The following DPP10 variants were observed in gnomAD, a reference collection of about 807,000 sequenced individuals.
DPP10 encodes the protein inactive dipeptidyl peptidase 10.
In DPP10, 33 loss-of-function variants were observed where a neutral mutation model predicts 120.9. That is an observed-to-expected ratio of 0.27 (90% CI 0.21 to 0.37). The LOEUF (loss-of-function observed/expected upper bound fraction) is 0.37, where lower values mean the gene tolerates loss of function less well. DPP10 is among the 10% of genes least tolerant of loss of function. The pLI is 1.00. For synonymous variants in DPP10, 337 were observed against 326.1 expected, an observed-to-expected ratio of 1.03 and a Z score of -0.36; for missense variants, 816 against 942.8, an observed-to-expected ratio of 0.87 and a Z score of 1.76.
rs1395410918 is a variant in DPP10 at position 115,427,688 on chromosome 2, G to T, written c.272-71822G>T. 2.6e-5 allele frequency among the ~76,000 whole-genome samples: 4 copies of T among 152,128 alleles called. No homozygotes were observed. In the South Asian group the frequency reaches 6.2e-4, roughly 24 times the overall value. ...TGCCTAGAAGATCTCTGAATGCCTT[G>T]GAGGCCTTTTTCTCATTGTCTTGGC... On this transcript the variant is annotated intron_variant, in intron 3 of 25. Transcript: ENST00000410059.
intron 5 of DPP10, among the ~76,000 whole-genome samples, chr2:115,682,024 A>T (rs2090696614): frequency 2.0e-5 from 3 of 151,848 alleles, no homozygotes. Context: ...TCATCCTTAC[A>T]ATTCTAGTTC....
intron 1 of DPP10, among the ~76,000 whole-genome samples, chr2:114,444,861 T>C (rs1204078986): frequency 2.0e-5 from 3 of 152,178 alleles, no homozygotes; most frequent in South Asian, 2.1e-4. Flanking sequence ...AAAATATATA[T>C]AGTCGCAAGC....
chr2:115,445,131 G>T (rs1574866022), intron 3 of DPP10, among the ~76,000 whole-genome samples: 1 of 152,180 alleles, frequency 6.6e-6, no homozygotes, highest in East Asian at 1.9e-4. Context: ...CTTCTCCTTT[G>T]CCTTCTGCCA....
intron 1 of DPP10, among the ~76,000 whole-genome samples, chr2:114,905,816 G>T (rs1287451235): frequency 6.6e-6 from 1 of 152,058 alleles, no homozygotes; most frequent in African/African-American, 2.4e-5. Flanking sequence ...CCAAAGTGTT[G>T]GGATTACAGG....
chr2:114,662,501 G>C (rs902844620), intron 1 of DPP10, among the ~76,000 whole-genome samples: 4 of 152,146 alleles, frequency 2.6e-5, no homozygotes, highest in African/African-American at 9.7e-5. Flanking sequence ...TTGAATGCGT[G>C]TGTCAGACCC....
intron 1 of DPP10, among the ~76,000 whole-genome samples, chr2:115,289,506 G>GAAGAAAAGAAAAGAAAAGAA: frequency 8.7e-6 from 1 of 114,400 alleles, no homozygotes; most frequent in East Asian, 2.6e-4. Flanking sequence ...AAAAAAAAAG[G>GAAGAAAAGAAAAGAAAAGAA]AAGAAAAGAA....
At chr2:114,750,407 C>T (rs1679094529) in intron 1 of DPP10, among the ~76,000 whole-genome samples, 1 of 151,658 alleles carries the variant, frequency 6.6e-6, no homozygotes, top group Admixed American at 6.6e-5. Flanking sequence ...AATCTTGGCT[C>T]ACTGCAAACT....
chr2:115,753,348 G>A, intron 11 of DPP10, 51 bp downstream of exon 11: 3 of 1,501,916 alleles, frequency 2.0e-6, no homozygotes, highest in Non-Finnish European at 2.7e-6. Context: ...AGCTTATGCA[G>A]CTTTACAAAG....
chr2:114,664,626 CAAAAAAAAAAAA>C (rs374561367), intron 1 of DPP10, among the ~76,000 whole-genome samples: 5 of 81,582 alleles, frequency 6.1e-5, no homozygotes, highest in Non-Finnish European at 1.2e-4. Context: ...GACTCCGTCT[CAAAAAAAAAAAA>C]AAAAAAAAAA....
chr2:115,735,381 CTTAG>C (rs1003224363), intron 8 of DPP10, among the ~76,000 whole-genome samples: 15 of 152,064 alleles, frequency 9.9e-5, no homozygotes, highest in African/African-American at 3.6e-4. Flanking sequence ...ATTATGTGAT[CTTAG>C]TTAGTAATTA....
intron 3 of DPP10, among the ~76,000 whole-genome samples, chr2:115,384,130 C>T (rs1374833568): frequency 1.3e-5 from 2 of 152,150 alleles, no homozygotes; most frequent in Admixed American, 6.5e-5. Flanking sequence ...TCTCCCATCT[C>T]CTGCTCTCCT....
At chr2:114,488,565 A>G (rs139573498) in intron 1 of DPP10, among the ~76,000 whole-genome samples, 2 of 152,350 alleles carry the variant, frequency 1.3e-5, no homozygotes, top group African/African-American at 4.8e-5. Flanking sequence ...TTACAGAATT[A>G]TAGTACTTAA....
At chr2:115,821,527 T>C (rs1687815498) in intron 21 of DPP10, among the ~76,000 whole-genome samples, 1 of 152,074 alleles carries the variant, frequency 6.6e-6, no homozygotes. Context: ...TTTTTATCTT[T>C]TTGCCAATTT....
At chr2:115,032,495 G>T (rs1241387874) in intron 1 of DPP10, among the ~76,000 whole-genome samples, 3 of 152,166 alleles carry the variant, frequency 2.0e-5, no homozygotes, top group African/African-American at 7.2e-5. Context: ...AATCAACTGA[G>T]TGTTAATAGT....
chr2:115,482,739 ATAT>A (rs1466878068), intron 3 of DPP10, among the ~76,000 whole-genome samples: 1 of 151,958 alleles, frequency 6.6e-6, no homozygotes, highest in Non-Finnish European at 1.5e-5. Context: ...ATAAATACCA[ATAT>A]TATTATATGG....
chr2:115,047,747 A>G (rs941062717), intron 1 of DPP10, among the ~76,000 whole-genome samples: 5 of 152,112 alleles, frequency 3.3e-5, no homozygotes, highest in Non-Finnish European at 5.9e-5. Context: ...AAAACCCCAA[A>G]GTGATACATA....
At chr2:114,992,527 G>C (rs1700808866) in intron 1 of DPP10, among the ~76,000 whole-genome samples, 1 of 152,042 alleles carries the variant, frequency 6.6e-6, no homozygotes. Flanking sequence ...TCCTTTTTGG[G>C]GTTATGTTAA....
chr2:114,710,300 T>A (rs962249864), intron 1 of DPP10, among the ~76,000 whole-genome samples: 1 of 152,258 alleles, frequency 6.6e-6, no homozygotes, highest in Middle Eastern at 3.2e-3. Context: ...TGAAGGTATT[T>A]GCTATGTAGA....
At chr2:115,042,486 A>G (rs1559027417) in intron 1 of DPP10, among the ~76,000 whole-genome samples, 1 of 152,148 alleles carries the variant, frequency 6.6e-6, no homozygotes, top group Non-Finnish European at 1.5e-5. Context: ...GGCTGATCTC[A>G]AACTTCTGGC....
Sources: allele counts gnomAD v4.1 joint callset (sites outside exome capture counted in the v4.1 genomes callset), GRCh38; gene constraint gnomAD v4.1.1; transcripts MANE v1.5; gene names NCBI Gene and HGNC (gene_info 2026-07-23, HGNC 2026-07-21).